AGL: variants seen among roughly 807,000 people sequenced by gnomAD.
AGL encodes the protein amylo-alpha-1,6-glucosidase and 4-alpha-glucanotransferase, also known as glycogen debranching enzyme.
Under a neutral mutation model 199.3 loss-of-function variants are expected in AGL, and 128 were observed. That is an observed-to-expected ratio of 0.64 (90% CI 0.56 to 0.74). The LOEUF (loss-of-function observed/expected upper bound fraction) is 0.74. Among genes scored for constraint, AGL ranks in the 30% least tolerant of loss-of-function variants. AGL has a pLI of 0.00. For synonymous variants in AGL, 584 were observed against 594.7 expected (o/e 0.98, Z 0.26); for missense variants, 1,809 against 1,820.8 (o/e 0.99, Z 0.12).
At chr1:99,916,518 C>T (rs376582012) in intron 32 of AGL, 21 bp downstream of exon 32, 1 of 1,605,986 alleles carries the variant, frequency 6.2e-7, no homozygotes, top group African/African-American at 1.3e-5. Context: ...CATTTATCTT[C>T]TGAGTTTCAG....
Position 99,864,254 on chromosome 1 carries a change from A to T in AGL, c.461-132A>T, listed in dbSNP as rs1650315172. On this transcript the variant is annotated intron_variant, in intron 4 of 33. Coordinates refer to ENST00000361915, the MANE Select transcript of AGL (RefSeq NM_000642.3). ...GTTAGGATTTGAACCCAAGTGTTTG[A>T]CCTCTTTTCCAGTAGCATGCTTGCC... The T allele has an allele frequency of 2.5e-6, 2 of 801,196 alleles. 1 individual carries two copies. Among genetic ancestry groups the T allele is most frequent in the East Asian group, 5.3e-5 (2 of 37,526 alleles). The allele number at this position is 801,196 out of a possible 1,614,324, so 49.6% of individuals were successfully genotyped here.
intron 5 of AGL, among the ~76,000 whole-genome samples, chr1:99,866,702 T>A (rs553097835): frequency 6.6e-6 from 1 of 152,164 alleles, no homozygotes; most frequent in African/African-American, 2.4e-5. Context: ...TCTGAGACAT[T>A]TGGGAGATTC....
In AGL at chr1:99,870,494, A is replaced by C. The variant is rs769406880; in HGVS notation, c.759A>C (p.Ala253=). The C allele has an allele frequency of 6.2e-7, 1 of 1,614,058 alleles. No homozygotes were observed. The highest frequency in any genetic ancestry group is 2.2e-5 in the East Asian group (1 of 44,844). The change falls in exon 6 of 34, where the codon GCA becomes GCC. Residue 253 remains alanine, a synonymous_variant. Transcript: ENST00000361915. ...HLKPAWVLDR[A]LWRFSCDVAE... ...AACCTGCCTGGGTCTTAGACAGAGC[A>C]CTTTGGCGTTTCTCCTGTGATGTTG...
Position 99,910,697 on chromosome 1 carries a change from C to A in AGL, c.3701-15C>A. The A allele has an allele frequency of 4.0e-6, 6 of 1,499,778 alleles. No homozygotes were observed. Among genetic ancestry groups the A allele is most frequent in the East Asian group, 2.4e-5 (1 of 41,430 alleles). The allele number at this position is 1,499,778 out of a possible 1,614,324, so 92.9% of individuals were successfully genotyped here. ...TACTTATAAAATTTTATTTTATACA[C>A]ATTTTGTTTTTTAGGTTTTAATATA... is the stretch of plus-strand genomic sequence containing the variant. On this transcript the variant is annotated splice_polypyrimidine_tract_variant and intron_variant, in intron 27 of 33. Transcript: ENST00000361915.
At chr1:99,878,588 G>A (rs186893639) in intron 12 of AGL, among the ~76,000 whole-genome samples, 51 of 151,674 alleles carry the variant, frequency 3.4e-4, no homozygotes, top group African/African-American at 1.1e-3. Context: ...CTGCTTATAA[G>A]TTTTTTTTGT....
chr1:99,897,140 A>G (rs1472895042), intron 25 of AGL, among the ~76,000 whole-genome samples: 1 of 152,050 alleles, frequency 6.6e-6, no homozygotes, highest in African/African-American at 2.4e-5. Context: ...TTTTAATGTC[A>G]CAATAATATG....
intron 2 of AGL, among the ~76,000 whole-genome samples, chr1:99,854,285 C>T (rs1438381711): frequency 6.6e-6 from 1 of 152,138 alleles, no homozygotes; most frequent in Non-Finnish European, 1.5e-5. Flanking sequence ...TACTAGAACT[C>T]TAGTTAAAAC....
chr1:99,879,325 G>T (rs368107844), intron 12 of AGL, among the ~76,000 whole-genome samples: 1 of 151,980 alleles, frequency 6.6e-6, no homozygotes, highest in Non-Finnish European at 1.5e-5. Context: ...GGTGGCTCAC[G>T]CCTGTAATCC....
chr1:99,915,497 A>T lies in AGL; in HGVS notation c.4259+11A>T. On this transcript the variant is annotated intron_variant, in intron 31 of 33. Transcript: ENST00000361915. ...AACTTTAGATCCAGAGTAAGTTGGA[A>T]TATAAGTATTAAGAATGTTATCATA... 1 of 1,586,590 alleles carries T rather than the reference A, an allele frequency of 6.3e-7. No individual in the cohort carries two copies. The highest frequency in any genetic ancestry group is 8.7e-7 in the Non-Finnish European group (1 of 1,154,994).
intron 2 of AGL, among the ~76,000 whole-genome samples, chr1:99,851,752 T>G (rs767601636): frequency 6.6e-6 from 1 of 152,344 alleles, no homozygotes; most frequent in South Asian, 2.1e-4. Flanking sequence ...TTTTATTTTC[T>G]TAGCCTTTGT....
At chr1:99,896,029 C>A (rs1375165020) in intron 24 of AGL, among the ~76,000 whole-genome samples, 1 of 152,202 alleles carries the variant, frequency 6.6e-6, no homozygotes, top group Admixed American at 6.5e-5. Context: ...ATAAGTATCT[C>A]TCTATAGCTC....
chr1:99,871,427 A>G (rs1204425321), intron 7 of AGL, among the ~76,000 whole-genome samples: 1 of 141,438 alleles, frequency 7.1e-6, no homozygotes, highest in African/African-American at 2.5e-5. Context: ...CCCCCCCAAC[A>G]AAATAGGGTA....
Position 99,870,551 on chromosome 1 carries a change from T to C in AGL, c.816T>C (p.Pro272=). 2 of 1,614,052 alleles carry C rather than the reference T, an allele frequency of 1.2e-6. No individual in the cohort carries two copies. Among genetic ancestry groups the C allele is most frequent in the Non-Finnish European group, 1.7e-6 (2 of 1,179,962 alleles). ...GGAAATACAAAGAAAAGGGAATACC[T>C]GCTTTGATTGAAAATGATCACCATA... is the stretch of plus-strand genomic sequence containing the variant. ...AEGKYKEKGI[P]ALIENDHHMN... is the part of the protein sequence containing the mutation. The change falls in exon 6 of 34, where the codon CCT becomes CCC. Residue 272 remains proline (P), a synonymous_variant. Coordinates refer to ENST00000361915, the MANE Select transcript of AGL (RefSeq NM_000642.3).
rs900064421 is a variant in AGL, at chr1:99,892,467, T to C, written c.3119T>C (p.Leu1040Pro). The change falls in exon 24 of 34, where the codon CTT becomes CCT. Residue 1040 changes from leucine to proline, a missense_variant. Coordinates refer to ENST00000361915, the MANE Select transcript of AGL (RefSeq NM_000642.3). Reference protein sequence around the residue: ...VQNGSTFVKHLSLGSVQLCGV... With the variant: ...VQNGSTFVKHPSLGSVQLCGV... ...AATGGTTCAACCTTTGTGAAACACC[T>C]TTCATTGGGTTCAGTTCAACTGTGT... 1.2e-6 allele frequency: 2 copies of C among 1,613,502 alleles called. No homozygotes were observed. Among genetic ancestry groups the C allele is most frequent in the African/African-American group, 1.3e-5 (1 of 74,908 alleles).
intron 18 of AGL, 27 bp downstream of exon 18, chr1:99,884,271 G>A: frequency 1.2e-6 from 2 of 1,608,802 alleles, no homozygotes; most frequent in Middle Eastern, 1.7e-4. Flanking sequence ...TCTTACTACT[G>A]TGTTTAGCAT....
At chr1:99,918,705 T>G (rs958280178) in intron 33 of AGL, among the ~76,000 whole-genome samples, 1 of 152,108 alleles carries the variant, frequency 6.6e-6, no homozygotes, top group Non-Finnish European at 1.5e-5. Flanking sequence ...TCTGTAAATG[T>G]TTTTGAGCTT....
At chr1:99,883,164 A>T (rs1652187731) in intron 17 of AGL, among the ~76,000 whole-genome samples, 1 of 152,186 alleles carries the variant, frequency 6.6e-6, no homozygotes, top group South Asian at 2.1e-4. Context: ...TTAAATATAC[A>T]GTAAGGATAA....
chr1:99,886,512 A>T (rs1652466112), intron 20 of AGL, among the ~76,000 whole-genome samples: 1 of 152,084 alleles, frequency 6.6e-6, no homozygotes, highest in African/African-American at 2.4e-5. Flanking sequence ...ATCTTTGAGA[A>T]TTTATAATAG....
chr1:99,884,514 TA>T, intron 19 of AGL, 54 bp from the exon 20 acceptor site: 1 of 1,606,360 alleles, frequency 6.2e-7, no homozygotes, highest in Non-Finnish European at 8.5e-7. Flanking sequence ...CATATCCTGT[TA>T]AATTTGAATA....
Sources: allele counts gnomAD v4.1 joint callset (sites outside exome capture counted in the v4.1 genomes callset), GRCh38; gene constraint gnomAD v4.1.1; transcripts MANE v1.5; gene names NCBI Gene and HGNC (gene_info 2026-07-23, HGNC 2026-07-21).